Variants in AAK1 observed in about 807,000 individuals in gnomAD.
The protein encoded by AAK1 is AP2 associated kinase 1.
A neutral mutation model predicts 116.0 loss-of-function variants in AAK1; 37 were observed. The observed-to-expected ratio is 0.32, with a 90% confidence interval of 0.25 to 0.42. The LOEUF (loss-of-function observed/expected upper bound fraction) is 0.42, where lower values mean the gene tolerates loss of function less well. AAK1 is among the 10% of genes least tolerant of loss of function. AAK1 has a pLI of 1.00. For missense variants in AAK1, 919 were observed against 1,170.6 expected (o/e 0.79, Z 3.14); for synonymous variants, 458 against 439.9 (o/e 1.04, Z -0.51).
chr2:69,560,269 C>G (rs150101015), intron 2 of AAK1, among the ~76,000 whole-genome samples: 1,641 of 152,300 alleles, frequency 0.011, 35 homozygotes, highest in African/African-American at 0.037. Context: ...ACTTCTCGTG[C>G]ACAGCCCTGT....
chr2:69,629,697 G>A (rs779658392), intron 2 of AAK1, among the ~76,000 whole-genome samples: 19 of 152,162 alleles, frequency 1.2e-4, no homozygotes, highest in Admixed American at 5.9e-4. Flanking sequence ...GTTTTAATTA[G>A]TACTGATTTA....
chr2:69,556,504 G>C (rs923433862), intron 3 of AAK1, among the ~76,000 whole-genome samples: 1 of 152,166 alleles, frequency 6.6e-6, no homozygotes, highest in African/African-American at 2.4e-5. Context: ...TGGTAACAGA[G>C]AGAGAGAGAG....
chr2:69,467,405 A>C lies in AAK1; in HGVS notation c.*8464T>G. ...TCAAATAGACAATTATCAGAATGCA[A>C]GAGAGCTTACCTTCCAAGAAATATT... On this transcript the variant is annotated 3_prime_UTR_variant, in exon 22 of 22. Transcript: ENST00000409085. 1.0e-6 allele frequency: 1 copy of C among 985,450 alleles called. No individual in the cohort carries two copies. The allele number at this position is 985,450 out of a possible 1,614,324, so 61.0% of individuals were successfully genotyped here.
Position 69,617,226 on chromosome 2 carries a change from T to C in AAK1, c.163+25652A>G, listed in dbSNP as rs188983428. 6.6e-5 allele frequency among the ~76,000 whole-genome samples: 10 copies of C among 152,026 alleles called. No homozygotes were observed. The East Asian group carries it at 1.2e-3, about 18-fold the overall frequency. Reference sequence around the variant, plus strand: ...GGTGAAATGAAAGGTTGAAAGCCCCTATCCCTAGAAGATATAAGTGAATTT... The same window carrying C: ...GGTGAAATGAAAGGTTGAAAGCCCCCATCCCTAGAAGATATAAGTGAATTT... On this transcript the variant is annotated intron_variant, in intron 2 of 21. Coordinates refer to ENST00000409085, the MANE Select transcript of AAK1 (RefSeq NM_014911.5).
intron 12 of AAK1, among the ~76,000 whole-genome samples, chr2:69,518,197 A>G (rs921005820): frequency 1.3e-5 from 2 of 152,236 alleles, no homozygotes; most frequent in African/African-American, 4.8e-5. Flanking sequence ...ATATGAAAAG[A>G]TAATGGAAAA....
At chr2:69,525,522 C>T (rs111904678) in intron 9 of AAK1, among the ~76,000 whole-genome samples, 3,515 of 152,252 alleles carry the variant, frequency 0.023, 85 homozygotes, top group African/African-American at 0.058. Context: ...GATCTTCGTT[C>T]GAGCTTATCA....
chr2:69,535,673 C>T (rs978201806), intron 5 of AAK1, among the ~76,000 whole-genome samples: 5 of 151,768 alleles, frequency 3.3e-5, no homozygotes, highest in Admixed American at 1.3e-4. Flanking sequence ...AAAGAGCATT[C>T]CAAGCAGAAA....
At chr2:69,600,783 T>C (rs1372605739) in intron 2 of AAK1, among the ~76,000 whole-genome samples, 4 of 152,166 alleles carry the variant, frequency 2.6e-5, no homozygotes, top group Non-Finnish European at 4.4e-5. Context: ...CAGGATCAAA[T>C]ACTCCAGACA....
chr2:69,573,530 C>G (rs373490904), intron 2 of AAK1, among the ~76,000 whole-genome samples: 1 of 152,184 alleles, frequency 6.6e-6, no homozygotes, highest in African/African-American at 2.4e-5. Flanking sequence ...TAAGCTGCAT[C>G]GGCAAGTAGT....
intron 2 of AAK1, among the ~76,000 whole-genome samples, chr2:69,560,334 G>C (rs1671581798): frequency 2.0e-5 from 3 of 152,210 alleles, no homozygotes; most frequent in South Asian, 2.1e-4. Context: ...GAGGGTTCAG[G>C]CTATTACGGA....
At chr2:69,486,780 C>T (rs1675317013) in intron 17 of AAK1, among the ~76,000 whole-genome samples, 1 of 152,108 alleles carries the variant, frequency 6.6e-6, no homozygotes, top group Non-Finnish European at 1.5e-5. Flanking sequence ...GCAACTTGCC[C>T]AAAGTCACAG....
intron 5 of AAK1, among the ~76,000 whole-genome samples, chr2:69,539,296 A>G (rs1435374808): frequency 6.6e-6 from 1 of 152,086 alleles, no homozygotes; most frequent in Non-Finnish European, 1.5e-5. Context: ...ATACGGAGGA[A>G]GCTGCCTATG....
At chr2:69,615,600 T>C (rs974907920) in intron 2 of AAK1, among the ~76,000 whole-genome samples, 2 of 152,244 alleles carry the variant, frequency 1.3e-5, no homozygotes, top group African/African-American at 4.8e-5. Context: ...CTGTTTCTTT[T>C]TGGCTATGAA....
chr2:69,513,891 G>A (rs1212967056), intron 13 of AAK1, among the ~76,000 whole-genome samples: 1 of 152,210 alleles, frequency 6.6e-6, no homozygotes, highest in African/African-American at 2.4e-5. Flanking sequence ...ATATCTAAAA[G>A]TGGACATGCC....
intron 12 of AAK1, 134 bp downstream of exon 12, chr2:69,518,820 G>A: frequency 7.5e-7 from 1 of 1,329,708 alleles, no homozygotes; most frequent in East Asian, 2.5e-5. Flanking sequence ...GCTTCTCAAT[G>A]CTTTAGTATC....
chr2:69,599,369 T>TTTAAA (rs1233957709), intron 2 of AAK1, among the ~76,000 whole-genome samples: 15 of 136,888 alleles, frequency 1.1e-4, no homozygotes, highest in African/African-American at 4.2e-4. Flanking sequence ...AAAATATATA[T>TTTAAA]AGTTCTGTGT....
intron 5 of AAK1, among the ~76,000 whole-genome samples, chr2:69,536,893 A>G (rs1670496765): frequency 6.6e-6 from 1 of 152,246 alleles, no homozygotes; most frequent in South Asian, 2.1e-4. Context: ...TCTTCATCCT[A>G]TTATACTTCA....
At position 69,464,699 on chromosome 2, in the gene AAK1, G is replaced by A. The variant is rs1674433188; in HGVS notation, c.*11170C>T. On this transcript the variant is annotated 3_prime_UTR_variant, in exon 22 of 22. Transcript: ENST00000409085. Reference sequence around the variant, plus strand: ...ACACTCACACTAATTTCAAAAGCATGGATGTGGGGAAAGCCCTGCCAGCAT... The same window carrying A: ...ACACTCACACTAATTTCAAAAGCATAGATGTGGGGAAAGCCCTGCCAGCAT... 6.5e-6 allele frequency: 1 copy of A among 152,696 alleles called. No homozygotes were observed. Among genetic ancestry groups the A allele is most frequent in the Admixed American group, 6.5e-5 (1 of 15,270 alleles). 9.5% of individuals were successfully genotyped at this position (152,696 alleles called of 1,614,324 possible).
intron 2 of AAK1, among the ~76,000 whole-genome samples, chr2:69,634,759 C>T (rs1050785089): frequency 6.6e-6 from 1 of 152,164 alleles, no homozygotes; most frequent in Non-Finnish European, 1.5e-5. Flanking sequence ...TTCTCTGTAA[C>T]CTCACCTTCA....
Sources: gnomAD v4.1 joint callset for allele counts (sites outside exome capture counted in the v4.1 genomes callset) on GRCh38, gnomAD v4.1.1 for gene constraint, MANE v1.5 for transcripts, NCBI Gene and HGNC (gene_info 2026-07-23, HGNC 2026-07-21) for gene names.